The following HS6ST2 variants were observed in gnomAD, a reference collection of about 807,000 sequenced individuals.
HS6ST2 encodes heparan-sulfate 6-O-sulfotransferase 2.
A neutral mutation model predicts 33.0 loss-of-function variants in HS6ST2; 17 were observed. The observed-to-expected ratio is 0.52, with a 90% confidence interval of 0.35 to 0.77. HS6ST2 has a LOEUF of 0.77. Ranked by LOEUF, HS6ST2 falls within the 30% of genes least tolerant of loss-of-function variation. The pLI is 0.01. For synonymous variants in HS6ST2, 248 were observed against 237.1 expected (o/e 1.05, Z -0.42); for missense variants, 519 against 551.7 (o/e 0.94, Z 0.59).
intron 2 of HS6ST2, among the ~76,000 whole-genome samples, chrX:132,711,935 G>A (rs778819045): frequency 3.9e-4 from 44 of 111,753 alleles, no homozygotes; most frequent in Non-Finnish European, 7.1e-4. Flanking sequence ...CCAGGAGCCT[G>A]GGATATTGGT....
At chrX:132,894,001 G>A (rs894333122) in intron 2 of HS6ST2, among the ~76,000 whole-genome samples, 2 of 110,883 alleles carry the variant, frequency 1.8e-5, no homozygotes, top group Non-Finnish European at 3.8e-5. Context: ...AAGTGGGACT[G>A]TTCAAATACA....
intron 2 of HS6ST2, among the ~76,000 whole-genome samples, chrX:132,927,494 C>A (rs944012591): frequency 9.8e-5 from 11 of 111,952 alleles, no homozygotes; most frequent in African/African-American, 3.2e-4. Context: ...CTATCAAATT[C>A]TGAGGTCACA....
At chrX:132,837,337 G>A (rs940297816) in intron 2 of HS6ST2, among the ~76,000 whole-genome samples, 2 of 33,139 alleles carry the variant, frequency 6.0e-5, no homozygotes, top group Non-Finnish European at 1.2e-4. Context: ...ATAGCCGTGT[G>A]TGTGTGTGTG....
chrX:132,804,797 T>G (rs1386671718), intron 2 of HS6ST2, among the ~76,000 whole-genome samples: 1 of 110,873 alleles, frequency 9.0e-6, no homozygotes. Flanking sequence ...AGAACCTATG[T>G]CAAAATAAAT....
chrX:132,634,656 G>A (rs1331902371), intron 4 of HS6ST2, among the ~76,000 whole-genome samples: 3 of 111,956 alleles, frequency 2.7e-5, no homozygotes, highest in Admixed American at 9.5e-5. Context: ...AGAATGTGCT[G>A]GGAGTGCAGT....
At chrX:132,827,582 C>T (rs1308741799) in intron 2 of HS6ST2, among the ~76,000 whole-genome samples, 5 of 110,959 alleles carry the variant, frequency 4.5e-5, no homozygotes, top group African/African-American at 3.3e-5. Context: ...GTTTCAATTC[C>T]CTCCCTTTAA....
intron 2 of HS6ST2, among the ~76,000 whole-genome samples, chrX:132,820,932 C>A (rs2065447610): frequency 9.1e-6 from 1 of 110,239 alleles, no homozygotes; most frequent in Non-Finnish European, 1.9e-5. Context: ...CAGCCCAGGA[C>A]ATTCAGTGTC....
At chrX:132,658,899 T>C (rs2063750542) in intron 4 of HS6ST2, among the ~76,000 whole-genome samples, 1 of 111,703 alleles carries the variant, frequency 9.0e-6, no homozygotes, top group Non-Finnish European at 1.9e-5. Context: ...CCTGCCATAC[T>C]GCATGGGCCT....
At chrX:132,960,663 G>A (rs1330832772), upstream of HS6ST2, among the ~76,000 whole-genome samples, 1 of 111,261 alleles carries the variant, frequency 9.0e-6, no homozygotes, top group African/African-American at 3.3e-5. Context: ...TCAGAGAAAG[G>A]GCCAGTGAGG....
chrX:132,702,800 AAC>A (rs372993140), intron 3 of HS6ST2, among the ~76,000 whole-genome samples: 3,455 of 108,356 alleles, frequency 0.032, 81 homozygotes, highest in African/African-American at 0.084. Context: ...ATTTCCCTCC[AAC>A]ACACACACAC....
At chrX:132,943,089 G>C (rs138393930) in intron 2 of HS6ST2, among the ~76,000 whole-genome samples, 268 of 112,036 alleles carry the variant, frequency 2.4e-3, no homozygotes, top group African/African-American at 8.4e-3. Context: ...GGAAAAAAGA[G>C]CTGCAGAGTT....
chrX:132,842,050 C>T (rs2065712077), intron 2 of HS6ST2, among the ~76,000 whole-genome samples: 1 of 111,705 alleles, frequency 9.0e-6, no homozygotes, highest in African/African-American at 3.3e-5. Flanking sequence ...AAAATCCAAC[C>T]CATTGAATTT....
chrX:132,787,168 T>TGTATATATATATATAA (rs2065070767), intron 2 of HS6ST2, among the ~76,000 whole-genome samples: 4 of 49,259 alleles, frequency 8.1e-5, no homozygotes, highest in Admixed American at 4.1e-4. Flanking sequence ...TATATATATG[T>TGTATATATATATATAA]ATATATATAT....
chrX:132,820,867 T>A (rs2065446702), intron 2 of HS6ST2, among the ~76,000 whole-genome samples: 1 of 110,506 alleles, frequency 9.0e-6, no homozygotes, highest in Non-Finnish European at 1.9e-5. Flanking sequence ...GGATATTTAC[T>A]CTAACTCCAC....
intron 3 of HS6ST2, among the ~76,000 whole-genome samples, chrX:132,703,333 C>T (rs986838526): frequency 8.9e-6 from 1 of 112,864 alleles, no homozygotes; most frequent in Non-Finnish European, 1.9e-5. Flanking sequence ...CAGACAAAGG[C>T]CCATGCCAAA....
intron 4 of HS6ST2, among the ~76,000 whole-genome samples, chrX:132,649,665 C>G (rs2063674095): frequency 1.8e-5 from 2 of 111,249 alleles, no homozygotes; most frequent in Non-Finnish European, 3.8e-5. Flanking sequence ...CGAGACCAGC[C>G]TGGCCAATAT....
chrX:132,881,998 A>G (rs2066180418), intron 2 of HS6ST2, among the ~76,000 whole-genome samples: 1 of 111,464 alleles, frequency 9.0e-6, no homozygotes, highest in South Asian at 3.8e-4. Context: ...CTGTTTTGGT[A>G]CCAGTACCAT....
intron 2 of HS6ST2, among the ~76,000 whole-genome samples, chrX:132,785,875 T>C (rs1157186650): frequency 9.0e-6 from 1 of 111,718 alleles, no homozygotes; most frequent in Non-Finnish European, 1.9e-5. Flanking sequence ...GTTACCATAG[T>C]AGAAAGGGCA....
intron 2 of HS6ST2, among the ~76,000 whole-genome samples, chrX:132,921,696 T>C (rs1261483933): frequency 8.9e-6 from 1 of 111,964 alleles, no homozygotes; most frequent in Non-Finnish European, 1.9e-5. Context: ...AGCCAGGCAA[T>C]TACACTACAG....
Sources: allele counts gnomAD v4.1 joint callset (sites outside exome capture counted in the v4.1 genomes callset), GRCh38; gene constraint gnomAD v4.1.1; transcripts MANE v1.5; gene names NCBI Gene and HGNC (gene_info 2026-07-23, HGNC 2026-07-21).